The following ADCY6 variants were observed in gnomAD, a reference collection of about 807,000 sequenced individuals.
ADCY6 encodes the protein adenylate cyclase type 6.
Under a neutral mutation model 111.6 loss-of-function variants are expected in ADCY6, and 59 were observed. That is an observed-to-expected ratio of 0.53 (90% CI 0.43 to 0.66). The LOEUF is 0.66. Ranked by LOEUF, ADCY6 falls within the 30% of genes least tolerant of loss-of-function variation. The pLI is 0.00. For synonymous variants in ADCY6, 576 were observed against 642.9 expected, an observed-to-expected ratio of 0.90 and a Z score of 1.57; for missense variants, 1,242 against 1,595.6, an observed-to-expected ratio of 0.78 and a Z score of 3.78.
At chr12:48,783,569 T>C in intron 1 of ADCY6, 131 bp from the exon 2 acceptor site, 1 of 1,505,822 alleles carries the variant, frequency 6.6e-7, no homozygotes, top group Non-Finnish European at 8.8e-7. Flanking sequence ...ATGAGTTTCA[T>C]CCTCATAAAA....
intron 20 of ADCY6, among the ~76,000 whole-genome samples, chr12:48,769,698 T>C (rs1941476274): frequency 6.7e-6 from 1 of 150,330 alleles, no homozygotes; most frequent in Non-Finnish European, 1.5e-5. Flanking sequence ...GAGATTCTCC[T>C]GCCTCAGCCT....
At position 48,783,036 on chromosome 12, in the gene ADCY6, C is replaced by G; in HGVS notation, c.399G>C (p.Ser133=). 1 of 1,613,524 alleles carries G rather than the reference C, an allele frequency of 6.2e-7. No homozygotes were observed. The highest frequency in any genetic ancestry group is 8.5e-7 in the Non-Finnish European group (1 of 1,179,862). The part of the protein sequence containing the change: ...VQVFQSKQFR[S]AKLERLYQRY... Reference sequence around the variant, plus strand: ...GCTGGTACAGGCGCTCCAGCTTGGCCGAACGGAACTGCTTCGACTGGAACA... The same window carrying G: ...GCTGGTACAGGCGCTCCAGCTTGGCGGAACGGAACTGCTTCGACTGGAACA... The change falls in exon 2 of 22, where the codon TCG becomes TCC. Residue 133 remains serine (S), a synonymous_variant. Transcript: ENST00000357869.
Position 48,783,070 on chromosome 12 carries a change from A to C in ADCY6, c.365T>G (p.Leu122Arg), listed in dbSNP as rs1167897093. The C allele has an allele frequency of 1.2e-6, 2 of 1,612,760 alleles. No individual in the cohort carries two copies. Among genetic ancestry groups the C allele is most frequent in the East Asian group, 4.5e-5 (2 of 44,890 alleles). The part of the protein sequence containing the change: ...PRSGRSCWRR[L>R]VQVFQSKQFR... ...CTGCTTCGACTGGAACACCTGCACC[A>C]GACGGCGCCAGCAGGATCGCCCACT... Residue 122 changes from leucine to arginine, a missense_variant, in exon 2 of 22, where the codon CTG becomes CGG. By Grantham distance (102) the Leu-to-Arg change is moderately radical. This residue lies in a region of ADCY6 where 362 missense variants were observed against 377.2 expected (regional missense o/e 0.96). Transcript: ENST00000357869.
Position 48,776,656 on chromosome 12 carries a change from C to T in ADCY6, c.1377-70G>A, listed in dbSNP as rs1941713073. On this transcript the variant is annotated intron_variant, in intron 6 of 21. Transcript: ENST00000357869. This position sits in a 1 kb window ranked among gnomAD's most constrained non-coding sequence, Gnocchi z 6.1. ...CCCCCAGCCCACAACCCAGGCCCTT[C>T]ACTCCTCTCAGGGCCCAGCGGGCAA... 3 of 1,537,084 alleles carry T rather than the reference C, an allele frequency of 2.0e-6. No individual in the cohort carries two copies. Among genetic ancestry groups the T allele is most frequent in the East Asian group, 2.3e-5 (1 of 43,816 alleles).
Position 48,782,815 on chromosome 12 carries a change from G to A in ADCY6, c.620C>T (p.Ser207Phe). The A allele has an allele frequency of 1.2e-5, 20 of 1,614,066 alleles. No homozygotes were observed. The highest frequency in any genetic ancestry group is 1.7e-5 in the Non-Finnish European group (20 of 1,179,954). ...VCNRHSFRQD[S>F]MWVVSYVVLG... ...CACCACGTAGCTCACCACCCACATG[G>A]AGTCCTGGCGGAAGCTATGCCGGTT... Residue 207 changes from serine (S) to phenylalanine (F), a missense_variant, in exon 2 of 22, where the codon TCC becomes TTC. Coordinates refer to ENST00000357869, the MANE Select transcript of ADCY6 (RefSeq NM_015270.5). The surrounding 1 kb of genome is among the most constrained non-coding windows in gnomAD (Gnocchi z 4.3).
Position 48,775,017 on chromosome 12 carries a change from A to T in ADCY6, c.2018T>A (p.Val673Asp). ...GCAGAAGACCAACAGGGCACAGGCAACGTAGGCTCCGAAGCGGGGATCCAC... is the reference window on the plus strand; with the variant it reads ...GCAGAAGACCAACAGGGCACAGGCATCGTAGGCTCCGAAGCGGGGATCCAC... ...RKVDPRFGAY[V>D]ACALLVFCFI... The change falls in exon 12 of 22, where the codon GTT (valine) becomes GAT (aspartate). Residue 673 changes from valine (V) to aspartate (D), a missense_variant. Val to Asp is a radical substitution (Grantham distance 152). This residue lies in a region of ADCY6 where 375 missense variants were observed against 432.5 expected (regional missense o/e 0.87). Transcript: ENST00000357869. 1 of 1,558,138 alleles carries T rather than the reference A, an allele frequency of 6.4e-7. No individual in the cohort carries two copies.
rs1054398509 is a variant in ADCY6 at position 48,767,193 on chromosome 12, G to A, written c.*1398C>T. On this transcript the variant is annotated 3_prime_UTR_variant, in exon 22 of 22. Coordinates refer to ENST00000357869, the MANE Select transcript of ADCY6 (RefSeq NM_015270.5). The stretch of plus-strand genomic sequence containing the variant: ...GAAGCCAGGAAATTCCTCAGCCTCT[G>A]TCCATCAAACCCCAGACAGTTCAAG... The A allele has an allele frequency of 6.5e-6, 1 of 152,732 alleles. No individual in the cohort carries two copies. The highest frequency in any genetic ancestry group is 2.4e-5 in the African/African-American group (1 of 41,442). The allele number at this position is 152,732 out of a possible 1,614,324, so 9.5% of individuals were successfully genotyped here. A position where few individuals can be genotyped will look rare whatever the true frequency, so the allele number is the denominator to read the frequency against.
Position 48,774,455 on chromosome 12 carries a change from C to G in ADCY6, c.2230G>C (p.Ala744Pro), listed in dbSNP as rs370980658. Reference protein sequence around the residue: ...SIVRSRAHSTAVGIFSVLLVF... With the variant: ...SIVRSRAHSTPVGIFSVLLVF... Reference sequence around the variant, plus strand: ...AGCAGGACGGAAAAGATGCCAACTGCGGTGCTATGTGCCCGTGAGCGGACA... The same window carrying G: ...AGCAGGACGGAAAAGATGCCAACTGGGGTGCTATGTGCCCGTGAGCGGACA... The change falls in exon 14 of 22, where the codon GCA becomes CCA. Residue 744 changes from alanine (A) to proline (P), a missense_variant. Physicochemically the swap from Ala to Pro is conservative, Grantham distance 27 (BLOSUM62 -1). Coordinates refer to ENST00000357869, the MANE Select transcript of ADCY6 (RefSeq NM_015270.5). 6.2e-7 allele frequency: 1 copy of G among 1,613,824 alleles called. No homozygotes were observed. Among genetic ancestry groups the G allele is most frequent in the Non-Finnish European group, 8.5e-7 (1 of 1,179,994 alleles).
At chr12:48,787,067 GT>G (rs1941991106) in intron 1 of ADCY6, among the ~76,000 whole-genome samples, 1 of 152,194 alleles carries the variant, frequency 6.6e-6, no homozygotes, top group Non-Finnish European at 1.5e-5. Flanking sequence ...AAGAACACAC[GT>G]CTTTCTAGCC....
chr12:48,783,612 A>G (rs181275916), intron 1 of ADCY6, 174 bp from the exon 2 acceptor site: 2 of 1,423,824 alleles, frequency 1.4e-6, no homozygotes, highest in Admixed American at 2.7e-5. Flanking sequence ...GGTATCCCCA[A>G]TCAACAGGTG....
intron 1 of ADCY6, among the ~76,000 whole-genome samples, chr12:48,787,319 C>T (rs917761113): frequency 3.3e-5 from 5 of 151,978 alleles, no homozygotes; most frequent in African/African-American, 9.7e-5. Context: ...TCCAAGCCCC[C>T]TGGAAACACA....
rs1379386238 is a variant in ADCY6, at chr12:48,788,993, C to T, written c.-92G>A. ...GGCCGGCCGGCCGTCCCGCGGTCCTCCGAGCCCGCGCGTCCTGGCCGTCCC... is the reference window on the plus strand; with the variant it reads ...GGCCGGCCGGCCGTCCCGCGGTCCTTCGAGCCCGCGCGTCCTGGCCGTCCC... On this transcript the variant is annotated 5_prime_UTR_variant, in exon 1 of 22. Transcript: ENST00000357869. The T allele has an allele frequency of 1.4e-5, 2 of 145,750 alleles. No homozygotes were observed. The highest frequency in any genetic ancestry group is 4.1e-4 in the East Asian group (2 of 4,902). The allele number at this position is 145,750 out of a possible 1,614,324, so 9.0% of individuals were successfully genotyped here.
intron 2 of ADCY6, among the ~76,000 whole-genome samples, chr12:48,781,683 T>C (rs1339085077): frequency 6.6e-6 from 1 of 152,208 alleles, no homozygotes; most frequent in Non-Finnish European, 1.5e-5. Context: ...ATGCTATTTT[T>C]ATTCCAGCTT....
intron 9 of ADCY6, 131 bp downstream of exon 9, chr12:48,775,832 A>G (rs1941683371): frequency 1.3e-6 from 2 of 1,513,956 alleles, no homozygotes; most frequent in South Asian, 2.4e-5. Context: ...CCCGAGATGA[A>G]ATCTTCTCAC....
In ADCY6 at chr12:48,777,846, C is replaced by T; in HGVS notation, c.1015-110G>A. The T allele has an allele frequency of 6.6e-7, 1 of 1,511,936 alleles. No individual in the cohort carries two copies. Among genetic ancestry groups the T allele is most frequent in the Non-Finnish European group, 8.9e-7 (1 of 1,121,294 alleles). The allele number at this position is 1,511,936 out of a possible 1,614,324, so 93.7% of individuals were successfully genotyped here. Reference sequence around the variant, plus strand: ...CTCCTAGACTTCTCTGAAGACCTGACCTTCCCTTCTGGACTGTGGCCTGAC... The same window carrying T: ...CTCCTAGACTTCTCTGAAGACCTGATCTTCCCTTCTGGACTGTGGCCTGAC... On this transcript the variant is annotated intron_variant, in intron 3 of 21. Coordinates refer to ENST00000357869, the MANE Select transcript of ADCY6 (RefSeq NM_015270.5). The surrounding 1 kb of genome is among the most constrained non-coding windows in gnomAD (Gnocchi z 4.9).
At position 48,775,695 on chromosome 12, in the gene ADCY6, T is replaced by C. The variant is rs1402268014; in HGVS notation, c.1810A>G (p.Ile604Val). The change falls in exon 10 of 22, where the codon ATT (isoleucine) becomes GTT (valine). Residue 604 changes from isoleucine to valine, a missense_variant. By Grantham distance (29) the Ile-to-Val change is conservative (BLOSUM62 3). This residue lies in a region of ADCY6 where 375 missense variants were observed against 432.5 expected (regional missense o/e 0.87). Transcript: ENST00000357869. ...KDSKAFRQMGIDDSSKDNRGT... is the reference protein window; with the variant it reads ...KDSKAFRQMGVDDSSKDNRGT... Reference sequence around the variant, plus strand: ...TACTTGTCTTTGCTGGAATCATCAATGCCCTGGAGAAAGGGACAGAGTGTG... The same window carrying C: ...TACTTGTCTTTGCTGGAATCATCAACGCCCTGGAGAAAGGGACAGAGTGTG... 1 of 1,613,498 alleles carries C rather than the reference T, an allele frequency of 6.2e-7. No homozygotes were observed. Among genetic ancestry groups the C allele is most frequent in the Non-Finnish European group, 8.5e-7 (1 of 1,179,596 alleles).
Position 48,768,723 on chromosome 12 carries a change from G to C in ADCY6, c.3382-7C>G, listed in dbSNP as rs974584195. ...GGTACAGGTCCGTGGTCACCTGGGG[G>C]AGTGGGAGGGGAGCCCGCTTAGCCT... On this transcript the variant is annotated splice_region_variant and splice_polypyrimidine_tract_variant and intron_variant, in intron 21 of 21. Coordinates refer to ENST00000357869, the MANE Select transcript of ADCY6 (RefSeq NM_015270.5). 1 of 1,613,502 alleles carries C rather than the reference G, an allele frequency of 6.2e-7. No homozygotes were observed. The highest frequency in any genetic ancestry group is 8.5e-7 in the Non-Finnish European group (1 of 1,179,560).
intron 11 of ADCY6, 43 bp downstream of exon 11, chr12:48,775,260 C>A: frequency 6.2e-7 from 1 of 1,610,790 alleles, no homozygotes; most frequent in Non-Finnish European, 8.5e-7. Flanking sequence ...CTGCGACCTG[C>A]CCCTCCCCCA....
At position 48,783,186 on chromosome 12, in the gene ADCY6, C is replaced by A. The variant is rs1941898705; in HGVS notation, c.249G>T (p.Gly83=). The A allele has an allele frequency of 6.2e-7, 1 of 1,606,918 alleles. No homozygotes were observed. Among genetic ancestry groups the A allele is most frequent in the Non-Finnish European group, 8.5e-7 (1 of 1,179,716 alleles). ...CGAAGCCCAGGGCCACTGCCCGCAGCCCCAGCTCCTTGCCCTTGCCTGGGC... is the reference window on the plus strand; with the variant it reads ...CGAAGCCCAGGGCCACTGCCCGCAGACCCAGCTCCTTGCCCTTGCCTGGGC... The part of the protein sequence containing the change: ...RGGPGKGKEL[G]LRAVALGFED... The change falls in exon 2 of 22, where the codon GGG becomes GGT. Residue 83 remains glycine (G), a synonymous_variant. Transcript: ENST00000357869.
Sources: gnomAD v4.1 joint callset for allele counts (sites outside exome capture counted in the v4.1 genomes callset) on GRCh38, gnomAD v4.1.1 for gene constraint, gnomAD v4.1.1 regional missense constraint, Gnocchi (gnomAD v3.1) non-coding constraint, MANE v1.5 for transcripts, NCBI Gene and HGNC (gene_info 2026-07-23, HGNC 2026-07-21) for gene names.